LBR: variants seen among roughly 807,000 people sequenced by gnomAD.
LBR encodes the protein lamin B receptor.
Under a neutral mutation model 74.3 loss-of-function variants are expected in LBR, and 28 were observed. The observed-to-expected ratio is 0.38, with a 90% CI of 0.28 to 0.52. The LOEUF (loss-of-function observed/expected upper bound fraction) is 0.52. Among genes scored for constraint, LBR ranks in the 20% least tolerant of loss-of-function variants. The pLI is 0.89. For missense variants in LBR, 717 were observed against 760.3 expected (o/e 0.94, Z 0.67); for synonymous variants, 228 against 269.3 (o/e 0.85, Z 1.50).
At chr1:225,411,110 A>T (rs909861344) in intron 9 of LBR, among the ~76,000 whole-genome samples, 2 of 152,242 alleles carry the variant, frequency 1.3e-5, no homozygotes, top group Non-Finnish European at 2.9e-5. Flanking sequence ...AACTGATATA[A>T]TAAAAATAAA....
intron 2 of LBR, among the ~76,000 whole-genome samples, chr1:225,422,687 A>G (rs2096130086): frequency 2.0e-5 from 3 of 151,872 alleles, no homozygotes; most frequent in African/African-American, 7.2e-5. Flanking sequence ...ACATAAGCAG[A>G]TCTTGAAAAT....
intron 11 of LBR, among the ~76,000 whole-genome samples, chr1:225,405,861 A>G (rs2150944477): frequency 6.6e-6 from 1 of 152,354 alleles, no homozygotes; most frequent in South Asian, 2.1e-4. Context: ...CAATGGTTTG[A>G]ACTTCTTCTA....
At chr1:225,423,025 C>T (rs1292561556) in intron 2 of LBR, among the ~76,000 whole-genome samples, 1 of 152,198 alleles carries the variant, frequency 6.6e-6, no homozygotes, top group Non-Finnish European at 1.5e-5. Context: ...ACTTTCTGTG[C>T]TTTATTCCTG....
rs375401852 is a variant in LBR at position 225,419,511 on chromosome 1, G to A, written c.451-59C>T. On this transcript the variant is annotated intron_variant, in intron 4 of 13. Transcript: ENST00000272163. The stretch of plus-strand genomic sequence containing the variant: ...GTGAACAATTACCATTAATGCTACT[G>A]CATTAACTATTTCAGCATCTCAATA... 132 of 1,211,734 alleles carry A rather than the reference G, an allele frequency of 1.1e-4. No individual in the cohort carries two copies. The African/African-American group carries it at 1.5e-3, about 14-fold the overall frequency. The allele number at this position is 1,211,734 out of a possible 1,614,324, so 75.1% of individuals were successfully genotyped here.
chr1:225,425,712 C>T (rs762143265), intron 1 of LBR, among the ~76,000 whole-genome samples: 1 of 152,076 alleles, frequency 6.6e-6, no homozygotes, highest in Non-Finnish European at 1.5e-5. Flanking sequence ...CCCCCTCCTC[C>T]TCCCTAGGCC....
At position 225,410,336 on chromosome 1, in the gene LBR, A is replaced by T; in HGVS notation, c.1269T>A (p.Val423=). ...CCACATAGAGAAGCTGGAAACTATT[A>T]ACTAAAATCATGGCCAAGGATGGAA... ...RAVPSLAMIL[V]NSFQLLYVVD... The change falls in exon 10 of 14, where the codon GTT becomes GTA. Residue 423 remains valine (V), a synonymous_variant. Coordinates refer to ENST00000272163, the MANE Select transcript of LBR (RefSeq NM_002296.4). The T allele has an allele frequency of 6.2e-7, 1 of 1,614,188 alleles. No individual in the cohort carries two copies. Among genetic ancestry groups the T allele is most frequent in the Non-Finnish European group, 8.5e-7 (1 of 1,180,028 alleles).
intron 4 of LBR, 117 bp downstream of exon 4, chr1:225,419,598 A>G: frequency 9.7e-7 from 1 of 1,035,660 alleles, no homozygotes; most frequent in Non-Finnish European, 1.5e-6. Flanking sequence ...TAAGGACAGA[A>G]TTTTAGAACA....
At position 225,419,732 on chromosome 1, in the gene LBR, G is replaced by T; in HGVS notation, c.433C>A (p.Pro145Thr). 5 of 1,610,598 alleles carry T rather than the reference G, an allele frequency of 3.1e-6. No individual in the cohort carries two copies. Among genetic ancestry groups the T allele is most frequent in the Non-Finnish European group, 4.2e-6 (5 of 1,177,760 alleles). Residue 145 changes from proline (P) to threonine (T), a missense_variant, in exon 4 of 14, where the codon CCT (proline) becomes ACT (threonine). Coordinates refer to ENST00000272163, the MANE Select transcript of LBR (RefSeq NM_002296.4). ...TTTCCCACCTGTGTATTTTTATGAG[G>T]TGCGTCATTTCTCTCAATATGCTCA... ...EPEHIERNDA[P>T]HKNTQEKFSL...
At chr1:225,418,281 A>G (rs1353590231) in intron 5 of LBR, 101 bp from the exon 6 acceptor site, 9 of 1,213,166 alleles carry the variant, frequency 7.4e-6, no homozygotes, top group Non-Finnish European at 1.1e-5. Context: ...TTATCTGGCT[A>G]ACTGTCTGAA....
Position 225,422,141 on chromosome 1 carries a change from G to A in LBR, c.302C>T (p.Ser101Phe). 5.0e-6 allele frequency: 8 copies of A among 1,614,178 alleles called. No individual in the cohort carries two copies. The highest frequency in any genetic ancestry group is 6.8e-6 in the Non-Finnish European group (8 of 1,180,038). ...PKSARRSASASHQADIKEARR... is the reference protein window; with the variant it reads ...PKSARRSASAFHQADIKEARR... ...TGCTTCCTTAATGTCGGCCTGGTGG[G>A]AAGCAGAAGCAGATCGGCGGGCACT... The change falls in exon 3 of 14, where the codon TCC becomes TTC. Residue 101 changes from serine (S) to phenylalanine (F), a missense_variant. By Grantham distance (155) the Ser-to-Phe change is radical. Coordinates refer to ENST00000272163, the MANE Select transcript of LBR (RefSeq NM_002296.4).
In LBR at chr1:225,412,649, T is replaced by TA. The variant is rs78306811; in HGVS notation, c.893-5dup. ...GTCAGGATAAAAGCATAGAATCCTT[T>TA]AAAAAAAAAAAAAAAAGGAAGTGGA... On this transcript the variant is annotated splice_region_variant and splice_polypyrimidine_tract_variant and intron_variant, in intron 7 of 13. Transcript: ENST00000272163. 0.19 allele frequency: 249,875 copies of TA among 1,328,882 alleles called. 1,040 individuals are homozygous for TA. Among genetic ancestry groups the TA allele is most frequent in the Non-Finnish European group, 0.2 (197,080 of 977,396 alleles). The allele number at this position is 1,328,882 out of a possible 1,614,324, so 82.3% of individuals were successfully genotyped here. A position where few individuals can be genotyped will look rare whatever the true frequency, so the allele number is the denominator to read the frequency against.
chr1:225,419,700 G>A lies in LBR; in HGVS notation c.450+15C>T. 1.3e-6 allele frequency: 2 copies of A among 1,586,374 alleles called. No individual in the cohort carries two copies. The highest frequency in any genetic ancestry group is 4.5e-5 in the East Asian group (2 of 44,700). On this transcript the variant is annotated intron_variant, in intron 4 of 13. Coordinates refer to ENST00000272163, the MANE Select transcript of LBR (RefSeq NM_002296.4). ...AAAAAAAAAACAACCAAGATGAAAGGGAACACTTTCCCACCTGTGTATTTT... is the reference window on the plus strand; with the variant it reads ...AAAAAAAAAACAACCAAGATGAAAGAGAACACTTTCCCACCTGTGTATTTT...
intron 6 of LBR, among the ~76,000 whole-genome samples, chr1:225,416,213 A>AAGAG (rs900533691): frequency 0.04 from 5,567 of 137,810 alleles, 144 homozygotes; most frequent in Middle Eastern, 0.071. Context: ...AAAAAAAAAA[A>AAGAG]AGAGAGAGAG....
intron 2 of LBR, 101 bp from the exon 3 acceptor site, chr1:225,422,378 T>G: frequency 1.1e-6 from 1 of 916,084 alleles, no homozygotes; most frequent in Non-Finnish European, 1.7e-6. Context: ...CTGCTACCAT[T>G]AACTCTAAAA....
At chr1:225,422,050 A>G in intron 3 of LBR, 27 bp downstream of exon 3, 1 of 1,600,694 alleles carries the variant, frequency 6.2e-7, no homozygotes, top group Non-Finnish European at 8.6e-7. Context: ...GGAAGACAAA[A>G]GGCTGTATAA....
chr1:225,411,531 A>G (rs2096105614), intron 8 of LBR, 91 bp from the exon 9 acceptor site: 1 of 913,390 alleles, frequency 1.1e-6, no homozygotes, highest in East Asian at 2.5e-5. Flanking sequence ...CAGGCTCACA[A>G]TTCCACTGCC....
intron 1 of LBR, among the ~76,000 whole-genome samples, chr1:225,425,741 C>G (rs980921381): frequency 4.6e-5 from 7 of 152,072 alleles, no homozygotes; most frequent in Non-Finnish European, 7.4e-5. Context: ...TCAAACCACT[C>G]TTACTAGTAC....
chr1:225,422,606 A>G (rs946818228), intron 2 of LBR, among the ~76,000 whole-genome samples: 7 of 152,140 alleles, frequency 4.6e-5, no homozygotes, highest in Non-Finnish European at 1.0e-4. Context: ...AACTGAGACG[A>G]CAGGACAAAA....
Position 225,423,891 on chromosome 1 carries a change from T to C in LBR, c.165+20A>G. On this transcript the variant is annotated intron_variant, in intron 2 of 13. Coordinates refer to ENST00000272163, the MANE Select transcript of LBR (RefSeq NM_002296.4). Reference sequence around the variant, plus strand: ...CCCACTTACTGTAAACACACTCTGATAAACCAAAGGAGCTCTTACCTTAAT... The same window carrying C: ...CCCACTTACTGTAAACACACTCTGACAAACCAAAGGAGCTCTTACCTTAAT... The C allele has an allele frequency of 6.2e-7, 1 of 1,608,080 alleles. No individual in the cohort carries two copies. Among genetic ancestry groups the C allele is most frequent in the Non-Finnish European group, 8.5e-7 (1 of 1,174,628 alleles).
Sources: allele counts gnomAD v4.1 joint callset (sites outside exome capture counted in the v4.1 genomes callset), GRCh38; gene constraint gnomAD v4.1.1; transcripts MANE v1.5; gene names NCBI Gene and HGNC (gene_info 2026-07-23, HGNC 2026-07-21).